The following ATXN10 variants were observed in gnomAD, a reference collection of about 807,000 sequenced individuals.
ATXN10 encodes ataxin-10.
In ATXN10, 28 loss-of-function variants were observed where a neutral mutation model predicts 52.9. That is an observed-to-expected ratio of 0.53 (90% CI 0.39 to 0.73). The LOEUF is 0.73. Among genes scored for constraint, ATXN10 ranks in the 30% least tolerant of loss-of-function variants. ATXN10 has a pLI of 0.00. For missense variants in ATXN10, 565 were observed against 577.0 expected, an observed-to-expected ratio of 0.98 and a Z score of 0.21; for synonymous variants, 226 against 221.5, an observed-to-expected ratio of 1.02 and a Z score of -0.18.
chr22:45,716,102 A>C (rs1377785070), intron 5 of ATXN10, among the ~76,000 whole-genome samples: 2 of 152,118 alleles, frequency 1.3e-5, no homozygotes, highest in Non-Finnish European at 2.9e-5. Flanking sequence ...TCTGCCAAAA[A>C]AATAAAAATA....
At chr22:45,793,476 A>T in intron 9 of ATXN10, 1 of 922,592 alleles carries the variant, frequency 1.1e-6, no homozygotes, top group Non-Finnish European at 1.4e-6. Context: ...TATTCCATTT[A>T]ATAAATCTCT....
In ATXN10 at chr22:45,813,455, C is replaced by CTTTT. The variant is rs3884890; in HGVS notation, c.1237+6443_1237+6446dup. On this transcript the variant is annotated intron_variant, in intron 10 of 11. Coordinates refer to ENST00000252934, the MANE Select transcript of ATXN10 (RefSeq NM_013236.4). ...TTCTTTTTTCTTCCTTTCTTCATTT[C>CTTTT]TTTTTTTTTTTTTAATGGAAACACC... Among the ~76,000 whole-genome samples, 1,214 of 134,606 alleles carry CTTTT rather than the reference C, an allele frequency of 9.0e-3. 32 individuals carry two copies. The highest frequency in any genetic ancestry group is 0.033 in the African/African-American group (1,155 of 35,450). 88.3% of individuals were successfully genotyped at this position (134,606 alleles called of 152,430 possible).
At chr22:45,751,742 AAAAAAAAAAAAAT>A (rs1422387721) in intron 9 of ATXN10, among the ~76,000 whole-genome samples, 987 of 19,518 alleles carry the variant, frequency 0.051, 11 homozygotes, top group African/African-American at 0.24. Flanking sequence ...TTTTTCTGGA[AAAAAAAAAAAAAT>A]AAAAAAAAAA....
At position 45,757,498 on chromosome 22, in the gene ATXN10, G is replaced by A. The variant is rs1253050619; in HGVS notation, c.1173+16960G>A. ...GCCTCTGGAGAATGTTCCAAAGGGA[G>A]GTGTGGATGTTTCATTCAGTACTTT... On this transcript the variant is annotated intron_variant, in intron 9 of 11. Coordinates refer to ENST00000252934, the MANE Select transcript of ATXN10 (RefSeq NM_013236.4). This position sits in a 1 kb window ranked among gnomAD's most constrained non-coding sequence, Gnocchi z 4.6. 2.0e-5 allele frequency among the ~76,000 whole-genome samples: 3 copies of A among 152,128 alleles called. No individual in the cohort carries two copies.
At chr22:45,685,544 C>G (rs1923103041) in intron 1 of ATXN10, among the ~76,000 whole-genome samples, 1 of 152,182 alleles carries the variant, frequency 6.6e-6, no homozygotes. Context: ...TTGATCTTTA[C>G]TATTTCATTG....
At chr22:45,679,880 A>C (rs1569020313) in intron 1 of ATXN10, 1 of 152,246 alleles carries the variant, frequency 6.6e-6, no homozygotes, top group Non-Finnish European at 1.5e-5. Flanking sequence ...ATTATCTTAA[A>C]TGCATGAAGT....
intron 6 of ATXN10, among the ~76,000 whole-genome samples, chr22:45,724,759 TC>T (rs1924801423): frequency 1.3e-5 from 2 of 152,206 alleles, no homozygotes; most frequent in South Asian, 4.1e-4. Flanking sequence ...ATAAAGTTTT[TC>T]CTAGGTTTTC....
intron 6 of ATXN10, among the ~76,000 whole-genome samples, chr22:45,726,813 C>T (rs1474491584): frequency 6.6e-6 from 1 of 152,084 alleles, no homozygotes; most frequent in Non-Finnish European, 1.5e-5. Context: ...TCCCAAGTAG[C>T]TGGGACTACA....
chr22:45,777,740 G>A (rs951518314), intron 9 of ATXN10, among the ~76,000 whole-genome samples: 11 of 152,170 alleles, frequency 7.2e-5, no homozygotes, highest in African/African-American at 2.7e-4. Context: ...GCACCCCTCC[G>A]CACCTGCCTG....
rs1363567958 is a variant in ATXN10, at chr22:45,688,914, A to C, written c.117-798A>C. ...CTTGCATTTAGGTGCAATGTTGCAC[A>C]AAAAATTCTTATCTTTAGAGCTCTG... On this transcript the variant is annotated intron_variant, in intron 1 of 11. Transcript: ENST00000252934. The surrounding 1 kb of genome is among the most constrained non-coding windows in gnomAD (Gnocchi z 4.0). Among the ~76,000 whole-genome samples, 1 of 152,244 alleles carries C rather than the reference A, an allele frequency of 6.6e-6. No homozygotes were observed. The highest frequency in any genetic ancestry group is 1.9e-4 in the East Asian group (1 of 5,198).
chr22:45,718,362 C>T lies in ATXN10; in HGVS notation c.648-51C>T. ...GCCTATAAAGTAGATAAGGGCATGTCTCTTTTACTATGTTTCAAGTAACCA... is the reference window on the plus strand; with the variant it reads ...GCCTATAAAGTAGATAAGGGCATGTTTCTTTTACTATGTTTCAAGTAACCA... On this transcript the variant is annotated intron_variant, in intron 5 of 11. Transcript: ENST00000252934. This position sits in a 1 kb window ranked among gnomAD's most constrained non-coding sequence, Gnocchi z 4.4. The T allele has an allele frequency of 7.2e-7, 1 of 1,390,280 alleles. No individual in the cohort carries two copies. Among genetic ancestry groups the T allele is most frequent in the South Asian group, 1.2e-5 (1 of 86,498 alleles). The allele number at this position is 1,390,280 out of a possible 1,614,324, so 86.1% of individuals were successfully genotyped here.
intron 6 of ATXN10, among the ~76,000 whole-genome samples, chr22:45,726,215 T>C (rs953261166): frequency 1.8e-4 from 27 of 152,312 alleles, no homozygotes; most frequent in African/African-American, 6.5e-4. Context: ...TCTCAACCTT[T>C]TGGAATAGTT....
At chr22:45,679,206 T>C (rs1922819986) in intron 1 of ATXN10, 2 of 152,226 alleles carry the variant, frequency 1.3e-5, no homozygotes, top group Admixed American at 1.3e-4. Flanking sequence ...GGACTCTTAT[T>C]TACCTCTGTT....
Position 45,744,087 on chromosome 22 carries a change from A to G in ATXN10, c.1173+3549A>G, listed in dbSNP as rs563928310. On this transcript the variant is annotated intron_variant, in intron 9 of 11. Coordinates refer to ENST00000252934, the MANE Select transcript of ATXN10 (RefSeq NM_013236.4). The surrounding 1 kb of genome is among the most constrained non-coding windows in gnomAD (Gnocchi z 4.9). ...TCTTATCCTTGTTTCTGATTCACCC[A>G]TTCATCAAATACGAATGTTTGCTGG... Among the ~76,000 whole-genome samples the G allele has an allele frequency of 1.3e-3, 204 of 152,238 alleles. 2 individuals are homozygous for G. The highest frequency in any genetic ancestry group is 2.4e-3 in the Non-Finnish European group (163 of 68,010).
At chr22:45,777,083 C>T (rs765577464) in intron 9 of ATXN10, among the ~76,000 whole-genome samples, 2 of 152,086 alleles carry the variant, frequency 1.3e-5, no homozygotes, top group Non-Finnish European at 2.9e-5. Context: ...TTTTATATTT[C>T]GAAAAATAAT....
In ATXN10 at chr22:45,781,129, A is replaced by G. The variant is rs76161584; in HGVS notation, c.1174-25830A>G. Among the ~76,000 whole-genome samples, 1,448 of 152,316 alleles carry G rather than the reference A, an allele frequency of 9.5e-3. 20 individuals are homozygous for G. Among genetic ancestry groups the G allele is most frequent in the African/African-American group, 0.033 (1,354 of 41,566 alleles). ...ACAGTAAGTGCCCTATTTCAGCCAA[A>G]CACCACGGAAAAGAATGTGGCCCCA... On this transcript the variant is annotated intron_variant, in intron 9 of 11. Transcript: ENST00000252934. This position sits in a 1 kb window ranked among gnomAD's most constrained non-coding sequence, Gnocchi z 4.2.
intron 9 of ATXN10, among the ~76,000 whole-genome samples, chr22:45,791,820 T>G (rs1927522546): frequency 6.6e-6 from 1 of 152,242 alleles, no homozygotes; most frequent in South Asian, 2.1e-4. Context: ...TCTTTCCTTA[T>G]TTTTCTGTTG....
intron 9 of ATXN10, among the ~76,000 whole-genome samples, chr22:45,755,152 T>G (rs1926127886): frequency 6.6e-6 from 1 of 152,220 alleles, no homozygotes; most frequent in Admixed American, 6.5e-5. Context: ...GGACTTCCTG[T>G]GCCTGCACAG....
chr22:45,804,552 A>C (rs1031706887), intron 9 of ATXN10, among the ~76,000 whole-genome samples: 3 of 152,188 alleles, frequency 2.0e-5, no homozygotes, highest in African/African-American at 7.2e-5. Flanking sequence ...GGAATAGTTC[A>C]TGTTCAGATG....
Sources: allele counts gnomAD v4.1 joint callset (sites outside exome capture counted in the v4.1 genomes callset), GRCh38; gene constraint gnomAD v4.1.1; non-coding constraint Gnocchi (gnomAD v3.1); transcripts MANE v1.5; gene names NCBI Gene and HGNC (gene_info 2026-07-23, HGNC 2026-07-21).